The following NUMB variants were observed in gnomAD, a reference collection of about 807,000 sequenced individuals.
NUMB encodes NUMB endocytic adaptor protein, also known as protein numb homolog.
Under a neutral mutation model 59.7 loss-of-function variants are expected in NUMB, and 29 were observed. That is an observed-to-expected ratio of 0.49 (90% CI 0.36 to 0.66). The LOEUF is 0.66. Ranked by LOEUF, NUMB falls within the 30% of genes least tolerant of loss-of-function variation. NUMB has a pLI of 0.00. For synonymous variants in NUMB, 288 were observed against 288.2 expected, an observed-to-expected ratio of 1.00 and a Z score of 0.01; for missense variants, 723 against 822.0, an observed-to-expected ratio of 0.88 and a Z score of 1.47.
At chr14:73,312,266 C>A (rs1040524194) in intron 6 of NUMB, among the ~76,000 whole-genome samples, 2 of 151,014 alleles carry the variant, frequency 1.3e-5, no homozygotes, top group Non-Finnish European at 3.0e-5. Context: ...TGGTGGCAAA[C>A]GCCTGTGGTC....
chr14:73,358,458 A>C (rs1893929185), intron 3 of NUMB, among the ~76,000 whole-genome samples: 1 of 152,166 alleles, frequency 6.6e-6, no homozygotes, highest in African/African-American at 2.4e-5. Flanking sequence ...ACAGTTCTCC[A>C]AACAAAGCAT....
At chr14:73,428,350 T>C (rs1431338222) in intron 1 of NUMB, among the ~76,000 whole-genome samples, 1 of 152,192 alleles carries the variant, frequency 6.6e-6, no homozygotes, top group Admixed American at 6.6e-5. Flanking sequence ...GCTCTTCTAA[T>C]TCTGACATCA....
rs955674265 is a variant in NUMB, at chr14:73,276,186, G to C, written c.*392C>G. On this transcript the variant is annotated 3_prime_UTR_variant, in exon 13 of 13. Coordinates refer to ENST00000555238, the MANE Select transcript of NUMB (RefSeq NM_001005743.2). Reference sequence around the variant, plus strand: ...TAATACAGGCCACTACTGACAGGAGGCAGGTGAATGGCCTGAAAAACAAAG... The same window carrying C: ...TAATACAGGCCACTACTGACAGGAGCCAGGTGAATGGCCTGAAAAACAAAG... 5.4e-6 allele frequency: 1 copy of C among 184,212 alleles called. No homozygotes were observed. Among genetic ancestry groups the C allele is most frequent in the African/African-American group, 2.4e-5 (1 of 42,170 alleles). The allele number at this position is 184,212 out of a possible 1,614,324, so 11.4% of individuals were successfully genotyped here. A position where few individuals can be genotyped will look rare whatever the true frequency, so the allele number is the denominator to read the frequency against.
chr14:73,316,440 C>G lies in NUMB; in HGVS notation c.202-18G>C. 1 of 1,612,676 alleles carries G rather than the reference C, an allele frequency of 6.2e-7. No homozygotes were observed. Among genetic ancestry groups the G allele is most frequent in the Admixed American group, 1.7e-5 (1 of 59,950 alleles). ...TTCCTTTCCTGGAGGAACAGGGGGA[C>G]AAGTCGAGTGCTATTATTGTATGGC... is the stretch of plus-strand genomic sequence containing the variant. On this transcript the variant is annotated intron_variant, in intron 5 of 12. Transcript: ENST00000555238.
intron 6 of NUMB, among the ~76,000 whole-genome samples, chr14:73,299,622 T>TC (rs1566732945): frequency 2.1e-4 from 32 of 151,186 alleles, no homozygotes; most frequent in Non-Finnish European, 3.7e-4. Flanking sequence ...ATATGTCATA[T>TC]AATATGACAT....
rs112513018 is a variant in NUMB at position 73,355,770 on chromosome 14, A to C, written c.-15-4T>G. ...TGTTCATTTTAATTTTTACAGCCTG[A>C]AGACAGAGGAAAAAAAATATTTAAA... On this transcript the variant is annotated splice_polypyrimidine_tract_variant and splice_region_variant and intron_variant, in intron 3 of 12. Transcript: ENST00000555238. 6.3e-7 allele frequency: 1 copy of C among 1,590,430 alleles called. No homozygotes were observed. The highest frequency in any genetic ancestry group is 8.6e-7 in the Non-Finnish European group (1 of 1,167,144).
chr14:73,309,717 G>GAA (rs1472881725), intron 6 of NUMB, among the ~76,000 whole-genome samples: 2 of 53,850 alleles, frequency 3.7e-5, no homozygotes, highest in Non-Finnish European at 8.3e-5. Context: ...AGAACTTAAG[G>GAA]TATAATAATA....
chr14:73,351,420 G>A (rs535298132), intron 4 of NUMB, among the ~76,000 whole-genome samples: 14 of 152,144 alleles, frequency 9.2e-5, no homozygotes, highest in East Asian at 5.9e-4. Flanking sequence ...TGCAGTGAGC[G>A]GGGGTTGCAG....
intron 2 of NUMB, among the ~76,000 whole-genome samples, chr14:73,405,629 T>G (rs1896623236): frequency 2.6e-5 from 4 of 151,922 alleles, no homozygotes; most frequent in Admixed American, 2.6e-4. Context: ...TACTCTCATG[T>G]GTCAGTCCCC....
intron 4 of NUMB, among the ~76,000 whole-genome samples, chr14:73,336,844 T>C (rs1435375989): frequency 6.6e-6 from 1 of 152,182 alleles, no homozygotes; most frequent in East Asian, 1.9e-4. Context: ...TCATGATGAG[T>C]ACTAAGCTGA....
At chr14:73,451,168 A>C (rs1367759979) in intron 1 of NUMB, among the ~76,000 whole-genome samples, 31 of 123,568 alleles carry the variant, frequency 2.5e-4, no homozygotes, top group Non-Finnish European at 4.2e-4. Flanking sequence ...AAAAAAAAAA[A>C]AAAAAACAAA....
At chr14:73,404,598 CAT>C (rs1896572117) in intron 2 of NUMB, among the ~76,000 whole-genome samples, 2 of 152,078 alleles carry the variant, frequency 1.3e-5, no homozygotes, top group East Asian at 1.9e-4. Flanking sequence ...AGATGTTCAA[CAT>C]ATGTCTTACA....
intron 4 of NUMB, 55 bp from the exon 5 acceptor site, chr14:73,323,259 T>G: frequency 8.4e-7 from 1 of 1,194,032 alleles, no homozygotes; most frequent in Non-Finnish European, 1.2e-6. Context: ...GTAGCTACTA[T>G]ACAGTAAGCA....
At chr14:73,396,538 G>GTT (rs386381762) in intron 2 of NUMB, among the ~76,000 whole-genome samples, 1 of 151,386 alleles carries the variant, frequency 6.6e-6, no homozygotes, top group South Asian at 2.1e-4. Context: ...TTTTTTTGTT[G>GTT]TTTTTTTGTT....
chr14:73,445,789 G>A (rs1883453220), intron 1 of NUMB, among the ~76,000 whole-genome samples: 1 of 152,156 alleles, frequency 6.6e-6, no homozygotes, highest in Admixed American at 6.5e-5. Context: ...AAGCAGAGCT[G>A]AAGGTGAATT....
intron 11 of NUMB, among the ~76,000 whole-genome samples, chr14:73,279,921 C>T (rs1414809482): frequency 1.3e-5 from 2 of 152,192 alleles, no homozygotes; most frequent in East Asian, 1.9e-4. Flanking sequence ...CTTTGGGAGG[C>T]CGAGGTGGGT....
At chr14:73,352,530 GTT>G (rs71112735) in intron 4 of NUMB, among the ~76,000 whole-genome samples, 3 of 20,276 alleles carry the variant, frequency 1.5e-4, no homozygotes, top group African/African-American at 3.4e-4. Context: ...ATATATATAT[GTT>G]TTTTTTTTTT....
intron 4 of NUMB, among the ~76,000 whole-genome samples, chr14:73,331,465 A>G (rs1282053422): frequency 4.6e-5 from 7 of 152,124 alleles, no homozygotes; most frequent in African/African-American, 7.2e-5. Context: ...GGAGAATGGC[A>G]TGAACCAGGG....
At chr14:73,334,754 G>C (rs1307444212) in intron 4 of NUMB, among the ~76,000 whole-genome samples, 1 of 151,886 alleles carries the variant, frequency 6.6e-6, no homozygotes, top group African/African-American at 2.4e-5. Flanking sequence ...AGACCAACCT[G>C]GCCAACATGG....
Sources: allele counts gnomAD v4.1 joint callset (sites outside exome capture counted in the v4.1 genomes callset), GRCh38; gene constraint gnomAD v4.1.1; transcripts MANE v1.5; gene names NCBI Gene and HGNC (gene_info 2026-07-23, HGNC 2026-07-21).